IFIH1: variants seen among roughly 807,000 people sequenced by gnomAD.
The protein encoded by IFIH1 is interferon-induced helicase C domain-containing protein 1.
A neutral mutation model predicts 107.4 loss-of-function variants in IFIH1; 125 were observed. That is an observed-to-expected ratio of 1.16 (90% CI 1.01 to 1.35). IFIH1 has a LOEUF of 1.35. Among genes scored for constraint, IFIH1 ranks in the 40% most tolerant of loss-of-function variants. The pLI is 0.00. For synonymous variants in IFIH1, 458 were observed against 413.2 expected (o/e 1.11, Z -1.31); for missense variants, 1,333 against 1,213.7 (o/e 1.10, Z -1.46).
At chr2:162,287,284 C>T (rs766979954) in intron 5 of IFIH1, among the ~76,000 whole-genome samples, 1 of 151,358 alleles carries the variant, frequency 6.6e-6, no homozygotes, top group Non-Finnish European at 1.5e-5. Flanking sequence ...CAGTCTACTG[C>T]TTTTTTTTAT....
At chr2:162,302,409 T>C (rs1400560693) in intron 3 of IFIH1, among the ~76,000 whole-genome samples, 2 of 152,190 alleles carry the variant, frequency 1.3e-5, no homozygotes, top group Admixed American at 1.3e-4. Context: ...TTTACAGACT[T>C]TGTGACAAGT....
At chr2:162,280,191 T>C in intron 7 of IFIH1, 79 bp from the exon 8 acceptor site, 1 of 779,846 alleles carries the variant, frequency 1.3e-6, no homozygotes, top group African/African-American at 1.7e-5. Context: ...CTTTTTCATG[T>C]AAAAAATATG....
chr2:162,317,443 T>G (rs1476573127), intron 1 of IFIH1, among the ~76,000 whole-genome samples: 1 of 152,110 alleles, frequency 6.6e-6, no homozygotes, highest in Non-Finnish European at 1.5e-5. Context: ...TCTGCCACTG[T>G]TTTTCCTGGG....
intron 13 of IFIH1, among the ~76,000 whole-genome samples, chr2:162,269,197 A>G (rs984689225): frequency 9.9e-5 from 15 of 152,228 alleles, no homozygotes; most frequent in Admixed American, 9.2e-4. Context: ...CCAGCAGTCA[A>G]TGACATGTAA....
chr2:162,298,056 A>G (rs1000853945), intron 3 of IFIH1, among the ~76,000 whole-genome samples: 6 of 151,878 alleles, frequency 4.0e-5, no homozygotes, highest in Non-Finnish European at 5.9e-5. Context: ...TATTCAAACC[A>G]AAAAAAATAA....
At chr2:162,307,741 T>G (rs887712247) in intron 2 of IFIH1, among the ~76,000 whole-genome samples, 19 of 152,216 alleles carry the variant, frequency 1.2e-4, no homozygotes, top group African/African-American at 4.6e-4. Context: ...GAAAATTTCC[T>G]AAAGAAAACT....
intron 3 of IFIH1, among the ~76,000 whole-genome samples, chr2:162,299,661 G>A (rs1199968509): frequency 3.9e-5 from 6 of 152,112 alleles, no homozygotes; most frequent in Non-Finnish European, 5.9e-5. Context: ...CATCATCTGA[G>A]ATGATGCTTG....
intron 13 of IFIH1, 62 bp downstream of exon 13, chr2:162,272,164 C>T: frequency 7.6e-7 from 1 of 1,324,112 alleles, no homozygotes; most frequent in South Asian, 1.2e-5. Context: ...ACAGAGATAT[C>T]AATGGCAACC....
Position 162,293,385 on chromosome 2 carries a change from A to AC in IFIH1, c.874+178_874+179insG, listed in dbSNP as rs11455810. On this transcript the variant is annotated intron_variant, in intron 4 of 15. Coordinates refer to ENST00000649979, the MANE Select transcript of IFIH1 (RefSeq NM_022168.4). ...CAAAATTAGAGAGTTTGGTTCTAAG[A>AC]GTTTGTAAGTTACACTTTTAAAGAA... 0.15 allele frequency among the ~76,000 whole-genome samples: 23,047 copies of AC among 151,850 alleles called. 4,217 individuals carry two copies. Among genetic ancestry groups the AC allele is most frequent in the African/African-American group, 0.42 (17,213 of 41,380 alleles).
chr2:162,290,219 CTCCT>C (rs1682973178), intron 4 of IFIH1, among the ~76,000 whole-genome samples: 2 of 151,710 alleles, frequency 1.3e-5, no homozygotes, highest in South Asian at 4.2e-4. Flanking sequence ...TAATAAAATG[CTCCT>C]TCCTTCATAA....
At chr2:162,315,242 A>G (rs1321877036) in intron 1 of IFIH1, among the ~76,000 whole-genome samples, 3 of 152,308 alleles carry the variant, frequency 2.0e-5, no homozygotes, top group Non-Finnish European at 4.4e-5. Flanking sequence ...ACAATTCAAT[A>G]CGTCATGTGT....
intron 3 of IFIH1, among the ~76,000 whole-genome samples, chr2:162,298,790 G>GCGCA (rs541154436): frequency 0.03 from 4,451 of 149,280 alleles, 371 homozygotes; most frequent in Admixed American, 0.21. Flanking sequence ...ACGCGCGCGC[G>GCGCA]CACACACACA....
At chr2:162,309,695 T>C (rs1009902033) in intron 2 of IFIH1, among the ~76,000 whole-genome samples, 1 of 152,236 alleles carries the variant, frequency 6.6e-6, no homozygotes, top group Non-Finnish European at 1.5e-5. Flanking sequence ...ACACAATTTC[T>C]CATTTTTTGC....
intron 3 of IFIH1, among the ~76,000 whole-genome samples, chr2:162,305,046 C>T (rs1278908027): frequency 1.3e-5 from 2 of 152,170 alleles, no homozygotes; most frequent in Admixed American, 6.5e-5. Context: ...CATACTGCAT[C>T]CAAATGGTGG....
At chr2:162,294,081 C>A (rs1052316292) in intron 3 of IFIH1, among the ~76,000 whole-genome samples, 2 of 151,686 alleles carry the variant, frequency 1.3e-5, no homozygotes, top group African/African-American at 2.4e-5. Flanking sequence ...TAATAAAGTA[C>A]AAAAATTAAT....
intron 3 of IFIH1, among the ~76,000 whole-genome samples, chr2:162,298,351 C>G (rs1395592737): frequency 1.3e-5 from 2 of 152,134 alleles, no homozygotes; most frequent in Non-Finnish European, 1.5e-5. Context: ...AGTGGTTTTG[C>G]ATTACAGCAG....
intron 6 of IFIH1, among the ~76,000 whole-genome samples, 188 bp downstream of exon 6, chr2:162,282,178 G>A (rs984830006): frequency 1.3e-5 from 2 of 151,918 alleles, no homozygotes; most frequent in African/African-American, 4.8e-5. Flanking sequence ...GTATTCTTAT[G>A]CAGAATAAAG....
At position 162,306,821 on chromosome 2, in the gene IFIH1, T is replaced by C. The variant is rs1275625717; in HGVS notation, c.657A>G (p.Gln219=). ...IENLSQVDGP[Q]VEEQLLSTTV... is the part of the protein sequence containing the mutation. ...TGGTTGAAAGAAGTTGCTCTTCCAC[T>C]TGAGGACCATCAACTTGTGATAAAT... The change falls in exon 3 of 16, where the codon CAA becomes CAG. Residue 219 remains glutamine (Q), a synonymous_variant. Coordinates refer to ENST00000649979, the MANE Select transcript of IFIH1 (RefSeq NM_022168.4). 1 of 1,613,812 alleles carries C rather than the reference T, an allele frequency of 6.2e-7. No individual in the cohort carries two copies. Among genetic ancestry groups the C allele is most frequent in the African/African-American group, 1.3e-5 (1 of 74,922 alleles).
At position 162,279,215 on chromosome 2, in the gene IFIH1, T is replaced by C. The variant is rs576898715; in HGVS notation, c.1641+781A>G. On this transcript the variant is annotated intron_variant, in intron 8 of 15. Coordinates refer to ENST00000649979, the MANE Select transcript of IFIH1 (RefSeq NM_022168.4). The stretch of plus-strand genomic sequence containing the variant: ...ACTGTGCTAGTGCAGCTGGAGTAGA[T>C]AGCAGTCTTTTTCAGAATTTAAAAA... Among the ~76,000 whole-genome samples the C allele has an allele frequency of 2.0e-5, 3 of 152,204 alleles. No individual in the cohort carries two copies. In the South Asian group the frequency reaches 6.2e-4, roughly 32 times the overall value.
Sources: gnomAD v4.1 joint callset for allele counts (sites outside exome capture counted in the v4.1 genomes callset) on GRCh38, gnomAD v4.1.1 for gene constraint, MANE v1.5 for transcripts, NCBI Gene and HGNC (gene_info 2026-07-23, HGNC 2026-07-21) for gene names.